Variants in TRIM2 observed in about 807,000 individuals in gnomAD.
TRIM2 encodes the protein tripartite motif containing 2.
In TRIM2, 20 loss-of-function variants were observed where a neutral mutation model predicts 75.2. The ratio of observed to expected loss-of-function variants is 0.27; its 90% CI spans 0.19 to 0.39. The LOEUF is 0.39. Ranked by LOEUF, TRIM2 falls within the 10% of genes least tolerant of loss-of-function variation. The probability of loss-of-function intolerance (pLI) is 1.00; values close to 1 mark genes in which losing one functional copy is unlikely to be tolerated. For synonymous variants in TRIM2, 373 were observed against 388.3 expected (o/e 0.96, Z 0.46); for missense variants, 660 against 990.8 (o/e 0.67, Z 4.48).
chr4:153,261,761 G>A (rs1187456705), intron 1 of TRIM2, among the ~76,000 whole-genome samples: 1 of 152,176 alleles, frequency 6.6e-6, no homozygotes, highest in East Asian at 1.9e-4. Context: ...CAGCAATAAA[G>A]AGTGTGGATA....
intron 2 of TRIM2, among the ~76,000 whole-genome samples, chr4:153,273,336 C>A (rs1055549114): frequency 5.9e-5 from 8 of 134,988 alleles, no homozygotes; most frequent in African/African-American, 1.4e-4. Flanking sequence ...AGTGCCGTGG[C>A]GCGATCTCGG....
intron 1 of TRIM2, among the ~76,000 whole-genome samples, chr4:153,235,045 C>T (rs1052731098): frequency 1.3e-5 from 2 of 152,196 alleles, no homozygotes; most frequent in African/African-American, 4.8e-5. Context: ...CACTAACACA[C>T]ATATGTCTTC....
chr4:153,276,745 CT>C (rs1758117580), intron 3 of TRIM2, among the ~76,000 whole-genome samples: 1 of 152,212 alleles, frequency 6.6e-6, no homozygotes, highest in Non-Finnish European at 1.5e-5. Context: ...AGGACATTGG[CT>C]TTGGAGTCAG....
chr4:153,338,867 C>T lies in TRIM2; in HGVS notation c.*3901C>T, dbSNP rs1468904221. 1.6e-5 allele frequency: 16 copies of T among 985,458 alleles called. No homozygotes were observed. The highest frequency in any genetic ancestry group is 1.3e-5 in the Non-Finnish European group (11 of 829,864). 61.0% of individuals were successfully genotyped at this position (985,458 alleles called of 1,614,324 possible). On this transcript the variant is annotated 3_prime_UTR_variant, in exon 12 of 12. Coordinates refer to ENST00000338700, the MANE Select transcript of TRIM2 (RefSeq NM_015271.5). ...GCTTTATGACATGGGAATGTTCTGT[C>T]ATCAATGGAGTGTATTCTTGTAATA...
At chr4:153,254,208 T>C (rs1212571743) in intron 1 of TRIM2, among the ~76,000 whole-genome samples, 1 of 152,212 alleles carries the variant, frequency 6.6e-6, no homozygotes, top group African/African-American at 2.4e-5. Flanking sequence ...GCAGACTGTA[T>C]ATAAAGTGCA....
At chr4:153,189,253 T>C (rs1732935341) in intron 1 of TRIM2, among the ~76,000 whole-genome samples, 1 of 152,230 alleles carries the variant, frequency 6.6e-6, no homozygotes, top group African/African-American at 2.4e-5. Flanking sequence ...GGGAAAAGTT[T>C]CACTGCCAAG....
chr4:153,323,752 G>T (rs1348773450), intron 9 of TRIM2, among the ~76,000 whole-genome samples: 1 of 152,158 alleles, frequency 6.6e-6, no homozygotes, highest in African/African-American at 2.4e-5. Context: ...CAGATACTCA[G>T]GGAAGCTGGC....
chr4:153,213,642 C>T (rs549171731), intron 1 of TRIM2, among the ~76,000 whole-genome samples: 1 of 152,296 alleles, frequency 6.6e-6, no homozygotes, highest in East Asian at 1.9e-4. Flanking sequence ...ATTCTCCTGC[C>T]TCAGCCTTCC....
upstream of TRIM2, among the ~76,000 whole-genome samples, chr4:153,202,529 T>A (rs1198204322): frequency 2.0e-5 from 3 of 151,000 alleles, no homozygotes; most frequent in Admixed American, 2.0e-4. Flanking sequence ...TACTAAAAAA[T>A]AAATAAATAA....
At chr4:153,310,980 T>G (rs1301848200) in intron 6 of TRIM2, among the ~76,000 whole-genome samples, 1 of 152,188 alleles carries the variant, frequency 6.6e-6, no homozygotes, top group East Asian at 1.9e-4. Flanking sequence ...GGAACCTCTT[T>G]CCAGCAGTGT....
intron 2 of TRIM2, among the ~76,000 whole-genome samples, chr4:153,273,514 C>T (rs1757354036): frequency 7.1e-6 from 1 of 140,760 alleles, no homozygotes; most frequent in South Asian, 2.2e-4. Flanking sequence ...AGGATGGTCT[C>T]GATCTCCTGC....
chr4:153,238,721 T>G (rs779168679), intron 1 of TRIM2, among the ~76,000 whole-genome samples: 13 of 152,214 alleles, frequency 8.5e-5, no homozygotes, highest in Admixed American at 7.2e-4. Flanking sequence ...TCCAGTCGCA[T>G]GCACTAGACC....
At chr4:153,270,098 T>C (rs1756288938) in intron 1 of TRIM2, among the ~76,000 whole-genome samples, 1 of 151,888 alleles carries the variant, frequency 6.6e-6, no homozygotes, top group Non-Finnish European at 1.5e-5. Context: ...CCGGCTAATT[T>C]TTTGTATTTT....
Position 153,244,319 on chromosome 4 carries a change from C to CTCTTCTTCTTCT in TRIM2, c.31-25992_31-25981dup, listed in dbSNP as rs1311888983. ...CCTCCTCCTCCTCCTCCTCCTCCTC[C>CTCTTCTTCTTCT]TCTTCTTCTTCTTCTTCTTCTTCTT... On this transcript the variant is annotated intron_variant, in intron 1 of 11. Coordinates refer to ENST00000338700, the MANE Select transcript of TRIM2 (RefSeq NM_015271.5). 4.7e-3 allele frequency among the ~76,000 whole-genome samples: 100 copies of CTCTTCTTCTTCT among 21,122 alleles called. 13 individuals are homozygous for CTCTTCTTCTTCT. Among genetic ancestry groups the CTCTTCTTCTTCT allele is most frequent in the East Asian group, 0.017 (7 of 404 alleles). The allele number at this position is 21,122 out of a possible 152,430, so 13.9% of individuals were successfully genotyped here. A position where few individuals can be genotyped will look rare whatever the true frequency, so the allele number is the denominator to read the frequency against.
chr4:153,244,164 T>G (rs1162651617), intron 1 of TRIM2, among the ~76,000 whole-genome samples: 1 of 144,740 alleles, frequency 6.9e-6, no homozygotes, highest in African/African-American at 2.8e-5. Flanking sequence ...TTCTTCTTCT[T>G]CTTCTTCTTC....
intron 1 of TRIM2, among the ~76,000 whole-genome samples, chr4:153,249,571 C>T (rs754995365): frequency 7.9e-5 from 12 of 152,142 alleles, no homozygotes; most frequent in South Asian, 2.1e-4. Context: ...GCATTATTAG[C>T]AGCGCGTCCG....
In TRIM2 at chr4:153,176,613, TTTTTA is replaced by T. The variant is rs70949645; in HGVS notation, c.-49+23353_-49+23357del. 1.7e-4 allele frequency among the ~76,000 whole-genome samples: 25 copies of T among 151,474 alleles called. No homozygotes were observed. In the East Asian group the frequency reaches 4.1e-3, roughly 25 times the overall value. On this transcript the variant is annotated intron_variant, in intron 1 of 11. Coordinates refer to the TRIM2 transcript ENST00000437508. The stretch of plus-strand genomic sequence containing the variant: ...AATTTCATGTGCTACTTATTGCTTA[TTTTTA>T]TTTTATTTTTGTGACAGAGTCTCAC...
At chr4:153,202,925 T>C (rs1483010979), upstream of TRIM2, among the ~76,000 whole-genome samples, 1 of 151,424 alleles carries the variant, frequency 6.6e-6, no homozygotes, top group Non-Finnish European at 1.5e-5. Flanking sequence ...GCCAACATGA[T>C]GAAACCCTGT....
At chr4:153,296,060 G>A (rs1217623432) in intron 6 of TRIM2, 24 bp downstream of exon 6, 1 of 1,512,816 alleles carries the variant, frequency 6.6e-7, no homozygotes, top group African/African-American at 1.4e-5. Flanking sequence ...TTCTGTGCCC[G>A]ACGCCTGAGC....
Sources: gnomAD v4.1 joint callset for allele counts (sites outside exome capture counted in the v4.1 genomes callset) on GRCh38, gnomAD v4.1.1 for gene constraint, MANE v1.5 for transcripts, NCBI Gene and HGNC (gene_info 2026-07-23, HGNC 2026-07-21) for gene names.